Variants in CTNNA2 observed in about 807,000 individuals in gnomAD.
The protein encoded by CTNNA2 is catenin alpha 2.
In CTNNA2, 42 loss-of-function variants were observed where a neutral mutation model predicts 101.0. That is an observed-to-expected ratio of 0.42 (90% confidence interval 0.32 to 0.54). The LOEUF (loss-of-function observed/expected upper bound fraction) is 0.54. CTNNA2 is among the 20% of genes least tolerant of loss of function. The pLI is 0.14. For missense variants in CTNNA2, 871 were observed against 1,223.1 expected, an observed-to-expected ratio of 0.71 and a Z score of 4.29; for synonymous variants, 450 against 456.4, an observed-to-expected ratio of 0.99 and a Z score of 0.18.
chr2:80,252,840 G>A (rs1179971849), intron 7 of CTNNA2, among the ~76,000 whole-genome samples: 1 of 152,126 alleles, frequency 6.6e-6, no homozygotes, highest in Non-Finnish European at 1.5e-5. Context: ...TCTGCAGGAG[G>A]CGTAATGGGT....
intron 7 of CTNNA2, among the ~76,000 whole-genome samples, chr2:80,131,031 C>G (rs1297339534): frequency 6.6e-6 from 1 of 150,690 alleles, no homozygotes. Context: ...TTTTATTGTA[C>G]CAATGTCAAT....
intron 7 of CTNNA2, among the ~76,000 whole-genome samples, chr2:80,078,356 G>A (rs1174165456): frequency 6.6e-6 from 1 of 152,180 alleles, no homozygotes; most frequent in Non-Finnish European, 1.5e-5. Flanking sequence ...GTTCCTGGAG[G>A]AGGTGAAGTT....
chr2:79,689,119 C>G (rs572708565), intron 2 of CTNNA2, among the ~76,000 whole-genome samples: 2 of 151,436 alleles, frequency 1.3e-5, no homozygotes, highest in African/African-American at 2.4e-5. Context: ...TCTAGTATCT[C>G]CAAATTGTCT....
intron 7 of CTNNA2, among the ~76,000 whole-genome samples, chr2:80,211,238 A>G (rs1009641336): frequency 6.6e-6 from 1 of 152,146 alleles, no homozygotes; most frequent in Non-Finnish European, 1.5e-5. Flanking sequence ...CCATTTGTCT[A>G]CTTTGGCTTT....
chr2:79,539,445 C>T (rs2103980276), intron 1 of CTNNA2, among the ~76,000 whole-genome samples: 1 of 152,282 alleles, frequency 6.6e-6, no homozygotes, highest in Admixed American at 6.5e-5. Flanking sequence ...CACTGTAAAC[C>T]TTTTTGACTG....
intron 1 of CTNNA2, among the ~76,000 whole-genome samples, chr2:79,595,989 A>G (rs550853294): frequency 1.3e-5 from 2 of 151,160 alleles, no homozygotes; most frequent in South Asian, 4.3e-4. Flanking sequence ...TTTAATGCCT[A>G]CATGCTTCTA....
intron 1 of CTNNA2, among the ~76,000 whole-genome samples, chr2:79,566,313 A>G (rs1330565809): frequency 6.6e-6 from 1 of 152,212 alleles, no homozygotes; most frequent in African/African-American, 2.4e-5. Context: ...TTGAAGCCAC[A>G]AAGAAAGACC....
intron 8 of CTNNA2, among the ~76,000 whole-genome samples, chr2:80,412,549 C>G (rs1185381588): frequency 6.6e-6 from 1 of 152,196 alleles, no homozygotes; most frequent in Non-Finnish European, 1.5e-5. Context: ...CAAGATGTCT[C>G]TACCACTTCA....
chr2:79,223,613 T>G (rs1421179122), intron 2 of CTNNA2, among the ~76,000 whole-genome samples: 1 of 152,174 alleles, frequency 6.6e-6, no homozygotes, highest in Non-Finnish European at 1.5e-5. Context: ...TAGAAATCTT[T>G]CTGCTAATTG....
intron 3 of CTNNA2, among the ~76,000 whole-genome samples, chr2:79,794,985 C>G (rs540178240): frequency 6.6e-6 from 1 of 152,228 alleles, no homozygotes; most frequent in South Asian, 2.1e-4. Context: ...GGAGGCCTAC[C>G]TACTATATGT....
At chr2:80,205,466 A>T (rs1379362783) in intron 7 of CTNNA2, among the ~76,000 whole-genome samples, 2 of 152,206 alleles carry the variant, frequency 1.3e-5, no homozygotes, top group Non-Finnish European at 2.9e-5. Context: ...GCAGATAAAG[A>T]TTTATTTAGA....
At chr2:79,599,882 T>C (rs919119909) in intron 1 of CTNNA2, among the ~76,000 whole-genome samples, 1 of 152,304 alleles carries the variant, frequency 6.6e-6, no homozygotes, top group East Asian at 1.9e-4. Context: ...TGAAGAGATA[T>C]TGGTTGAATT....
In CTNNA2 at chr2:79,898,436, G is replaced by T. The variant is rs1232495800; in HGVS notation, c.853-11158G>T. ...AGATGTGAGCCACTGTGCCCGGCCG[G>T]TCTTAGATTATATTGATGCTTGATC... On this transcript the variant is annotated intron_variant, in intron 6 of 18. Transcript: ENST00000402739. 2.6e-5 allele frequency among the ~76,000 whole-genome samples: 4 copies of T among 152,010 alleles called. No individual in the cohort carries two copies. In the South Asian group the frequency reaches 8.3e-4, roughly 32 times the overall value.
At chr2:79,224,958 T>C (rs1010897437) in intron 2 of CTNNA2, among the ~76,000 whole-genome samples, 1 of 152,120 alleles carries the variant, frequency 6.6e-6, no homozygotes, top group Admixed American at 6.5e-5. Context: ...TAAGTATTTT[T>C]TTTCTTTCTT....
chr2:80,593,821 G>T (rs938223115), intron 15 of CTNNA2, among the ~76,000 whole-genome samples: 1 of 152,074 alleles, frequency 6.6e-6, no homozygotes, highest in Non-Finnish European at 1.5e-5. Flanking sequence ...CCTTTTAAAG[G>T]TTTAATAATG....
rs1686667391 is a variant in CTNNA2, at chr2:79,921,752, CTT to C, written c.1056+11956_1056+11957del. ...TGCTGGTTTGAATGCAGCTGAGAGA[CTT>C]AGAGCATCAACCCAGAGCTATGCCA... On this transcript the variant is annotated intron_variant, in intron 7 of 18. Coordinates refer to ENST00000402739, the MANE Select transcript of CTNNA2 (RefSeq NM_001282597.3). Among the ~76,000 whole-genome samples, 3 of 152,268 alleles carry C rather than the reference CTT, an allele frequency of 2.0e-5. No individual in the cohort carries two copies. The South Asian group carries it at 6.2e-4, about 32-fold the overall frequency.
chr2:79,265,327 C>T (rs892774587), intron 2 of CTNNA2, among the ~76,000 whole-genome samples: 1 of 152,122 alleles, frequency 6.6e-6, no homozygotes, highest in African/African-American at 2.4e-5. Context: ...AGGAATGAGA[C>T]AGTCAAGGAA....
chr2:79,707,960 T>C (rs563858073), intron 2 of CTNNA2, among the ~76,000 whole-genome samples: 1 of 152,352 alleles, frequency 6.6e-6, no homozygotes, highest in East Asian at 1.9e-4. Context: ...AGGTTTACCA[T>C]GTCAATTAAT....
At chr2:80,628,486 C>T (rs987519335) in intron 18 of CTNNA2, among the ~76,000 whole-genome samples, 2 of 151,166 alleles carry the variant, frequency 1.3e-5, no homozygotes, top group East Asian at 4.0e-4. Context: ...TTTCCCAACA[C>T]TATTTATTAA....
Sources: allele counts gnomAD v4.1 joint callset (sites outside exome capture counted in the v4.1 genomes callset), GRCh38; gene constraint gnomAD v4.1.1; transcripts MANE v1.5; gene names NCBI Gene and HGNC (gene_info 2026-07-23, HGNC 2026-07-21).